The following G2E3 variants were observed in gnomAD, a reference collection of about 807,000 sequenced individuals.
The protein encoded by G2E3 is G2/M-phase specific E3 ubiquitin protein ligase.
G2E3 carries 35 observed loss-of-function variants against 92.8 expected under a neutral mutation model. The ratio of observed to expected loss-of-function variants is 0.38; its 90% CI spans 0.29 to 0.50. The LOEUF (loss-of-function observed/expected upper bound fraction) is 0.50. Ranked by LOEUF, G2E3 falls within the 20% of genes least tolerant of loss-of-function variation. The pLI is 0.94. For missense variants in G2E3, 554 were observed against 823.8 expected (o/e 0.67, Z 4.01); for synonymous variants, 242 against 272.4 (o/e 0.89, Z 1.10).
At chr14:30,560,512 A>G (rs1400372537) in intron 1 of G2E3, 4 of 405,360 alleles carry the variant, frequency 9.9e-6, no homozygotes, top group African/African-American at 4.1e-5. Context: ...TGTTTAGGAT[A>G]GTTAAAATAT....
chr14:30,576,981 C>CT (rs898858185), intron 1 of G2E3, among the ~76,000 whole-genome samples: 2 of 152,074 alleles, frequency 1.3e-5, no homozygotes, highest in African/African-American at 4.8e-5. Context: ...AATCCCAGCA[C>CT]TTTGGGAGGC....
chr14:30,580,209 T>G (rs768764250), intron 1 of G2E3, among the ~76,000 whole-genome samples: 14 of 152,086 alleles, frequency 9.2e-5, no homozygotes, highest in Admixed American at 2.0e-4. Flanking sequence ...TTTGTTTTTT[T>G]TTGTTGTTGT....
intron 3 of G2E3, among the ~76,000 whole-genome samples, chr14:30,587,975 A>G (rs1157934813): frequency 6.6e-6 from 1 of 152,200 alleles, no homozygotes; most frequent in African/African-American, 2.4e-5. Context: ...ACCACCATCC[A>G]TGTTAAAATT....
chr14:30,596,336 C>T (rs1241710986), intron 6 of G2E3, among the ~76,000 whole-genome samples: 1 of 152,142 alleles, frequency 6.6e-6, no homozygotes, highest in Non-Finnish European at 1.5e-5. Flanking sequence ...TAGGAGACCA[C>T]TAGTTGGTCT....
intron 3 of G2E3, 142 bp downstream of exon 3, chr14:30,586,957 G>GT: frequency 2.5e-6 from 1 of 401,284 alleles, no homozygotes; most frequent in Non-Finnish European, 4.5e-6. Context: ...TAGACATTTT[G>GT]TTTTTTGATA....
intron 2 of G2E3, among the ~76,000 whole-genome samples, chr14:30,585,511 T>C (rs1309804374): frequency 6.6e-6 from 1 of 152,124 alleles, no homozygotes; most frequent in African/African-American, 2.4e-5. Flanking sequence ...CATTGATCTA[T>C]ATGTTTATCC....
At position 30,563,249 on chromosome 14, in the gene G2E3, T is replaced by A. The variant is rs147893280; in HGVS notation, c.-5+3977T>A. The stretch of plus-strand genomic sequence containing the variant: ...TTAGGGAATTAAAAAACAAAACTTT[T>A]CTTTTTCCGTTTGATCACTTAAGAC... On this transcript the variant is annotated intron_variant, in intron 1 of 14. Coordinates refer to ENST00000206595, the MANE Select transcript of G2E3 (RefSeq NM_017769.5). 2.5e-3 allele frequency among the ~76,000 whole-genome samples: 387 copies of A among 152,240 alleles called. 2 individuals carry two copies. Among genetic ancestry groups the A allele is most frequent in the African/African-American group, 9.0e-3 (374 of 41,540 alleles).
At chr14:30,596,110 A>ATGGGTGGG (rs1237086168) in intron 6 of G2E3, among the ~76,000 whole-genome samples, 8 of 14,860 alleles carry the variant, frequency 5.4e-4, no homozygotes, top group African/African-American at 1.8e-3. Flanking sequence ...CCTCCCTTAT[A>ATGGGTGGG]TGGGTGGGTG....
chr14:30,579,474 T>C (rs1240752815), intron 1 of G2E3, among the ~76,000 whole-genome samples: 7 of 152,190 alleles, frequency 4.6e-5, no homozygotes, highest in African/African-American at 9.6e-5. Context: ...AAAACACTTT[T>C]TACAGTCAGT....
At chr14:30,603,325 CAAAA>C (rs1231084948) in intron 10 of G2E3, among the ~76,000 whole-genome samples, 1 of 62,854 alleles carries the variant, frequency 1.6e-5, no homozygotes, top group Non-Finnish European at 3.3e-5. Context: ...GACTCTGTCT[CAAAA>C]AAAAAAAAAA....
At position 30,612,239 on chromosome 14, in the gene G2E3, G is replaced by A. The variant is rs769226899; in HGVS notation, c.1533G>A (p.Lys511=). Residue 511 remains lysine (K), a synonymous_variant, in exon 13 of 15, where the codon AAG becomes AAA. Coordinates refer to ENST00000206595, the MANE Select transcript of G2E3 (RefSeq NM_017769.5). ...INTATTVADL[K]SIINECYNYL... Reference sequence around the variant, plus strand: ...CTGCAACAACTGTAGCTGACTTAAAGTCAATAATAAATGAATGCTATAACT... The same window carrying A: ...CTGCAACAACTGTAGCTGACTTAAAATCAATAATAAATGAATGCTATAACT... 1 of 1,611,234 alleles carries A rather than the reference G, an allele frequency of 6.2e-7. No individual in the cohort carries two copies. The highest frequency in any genetic ancestry group is 8.5e-7 in the Non-Finnish European group (1 of 1,177,914).
intron 12 of G2E3, among the ~76,000 whole-genome samples, chr14:30,610,016 G>A (rs918217976): frequency 6.6e-6 from 1 of 152,066 alleles, no homozygotes; most frequent in Non-Finnish European, 1.5e-5. Context: ...TGACCATATT[G>A]CTTTCTTCCT....
intron 1 of G2E3, among the ~76,000 whole-genome samples, chr14:30,577,035 G>A (rs1314834190): frequency 6.6e-6 from 1 of 151,894 alleles, no homozygotes; most frequent in Admixed American, 6.6e-5. Context: ...GACCATCCTG[G>A]CCAACATGGT....
Position 30,615,317 on chromosome 14 carries a change from G to A in G2E3, c.1674-32G>A. On this transcript the variant is annotated intron_variant, in intron 13 of 14. Transcript: ENST00000206595. ...AATATAATACCAAACACACATGTAT[G>A]AATGTTGGCTCATTATTTTTCTTCT... 2.6e-6 allele frequency: 3 copies of A among 1,157,952 alleles called. No homozygotes were observed. In the South Asian group the frequency reaches 4.6e-5, roughly 18 times the overall value. 71.7% of individuals were successfully genotyped at this position (1,157,952 alleles called of 1,614,324 possible).
chr14:30,618,379 T>C lies in G2E3; in HGVS notation c.*1845T>C, dbSNP rs952104866. The C allele has an allele frequency of 2.0e-5, 3 of 152,162 alleles. No homozygotes were observed. The highest frequency in any genetic ancestry group is 2.0e-4 in the Admixed American group (3 of 15,276). The allele number at this position is 152,162 out of a possible 1,614,324, so 9.4% of individuals were successfully genotyped here. ...AAGATATTTGTTTCTTTATCCACCTTATTTTTATTACAGCTAAAAACCAAT... is the reference window on the plus strand; with the variant it reads ...AAGATATTTGTTTCTTTATCCACCTCATTTTTATTACAGCTAAAAACCAAT... On this transcript the variant is annotated 3_prime_UTR_variant, in exon 15 of 15. Coordinates refer to ENST00000206595, the MANE Select transcript of G2E3 (RefSeq NM_017769.5).
chr14:30,589,361 C>T (rs768338052), intron 3 of G2E3, 22 bp from the exon 4 acceptor site: 1 of 1,327,206 alleles, frequency 7.5e-7, no homozygotes, highest in Non-Finnish European at 1.1e-6. Context: ...AGTTTATTTT[C>T]TAATTGAGAA....
chr14:30,588,521 A>G (rs1270035352), intron 3 of G2E3, among the ~76,000 whole-genome samples: 1 of 152,148 alleles, frequency 6.6e-6, no homozygotes, highest in Non-Finnish European at 1.5e-5. Flanking sequence ...GTCTTATTCA[A>G]TGAATATAAT....
At chr14:30,589,257 A>G (rs1880879160) in intron 3 of G2E3, 126 bp from the exon 4 acceptor site, 1 of 598,192 alleles carries the variant, frequency 1.7e-6, no homozygotes, top group East Asian at 2.7e-5. Flanking sequence ...ACTACTATAG[A>G]TAACTACTTG....
intron 8 of G2E3, 69 bp downstream of exon 8, chr14:30,598,668 A>G (rs778558346): frequency 5.7e-5 from 56 of 985,704 alleles, no homozygotes; most frequent in East Asian, 4.3e-4. Flanking sequence ...AGTAGATTTT[A>G]TAGTTAGTGA....
Sources: gnomAD v4.1 joint callset for allele counts (sites outside exome capture counted in the v4.1 genomes callset) on GRCh38, gnomAD v4.1.1 for gene constraint, MANE v1.5 for transcripts, NCBI Gene and HGNC (gene_info 2026-07-23, HGNC 2026-07-21) for gene names.